The following AKT3 variants were observed in gnomAD, a reference collection of about 807,000 sequenced individuals.
AKT3 encodes the protein AKT serine/threonine kinase 3.
A neutral mutation model predicts 65.3 loss-of-function variants in AKT3; 15 were observed. That is an observed-to-expected ratio of 0.23 (90% CI 0.15 to 0.35). The LOEUF (loss-of-function observed/expected upper bound fraction) is 0.35. Among genes scored for constraint, AKT3 ranks in the 10% least tolerant of loss-of-function variants. AKT3 has a pLI of 1.00. For missense variants in AKT3, 243 were observed against 576.5 expected (o/e 0.42, Z 5.92); for synonymous variants, 206 against 183.8 (o/e 1.12, Z -0.98).
intron 2 of AKT3, among the ~76,000 whole-genome samples, chr1:243,730,310 C>CTGT (rs1346354738): frequency 6.6e-6 from 1 of 152,208 alleles, no homozygotes; most frequent in East Asian, 1.9e-4. Flanking sequence ...CTCTGCTGAG[C>CTGT]TGTTCTGCTA....
chr1:243,737,244 T>A (rs1687894814), intron 2 of AKT3, among the ~76,000 whole-genome samples: 1 of 152,178 alleles, frequency 6.6e-6, no homozygotes, highest in South Asian at 2.1e-4. Context: ...CTCATACTCA[T>A]CTGCAAAATG....
chr1:243,795,267 G>A (rs12097623), intron 2 of AKT3, among the ~76,000 whole-genome samples: 3,928 of 151,758 alleles, frequency 0.026, 160 homozygotes, highest in African/African-American at 0.09. Flanking sequence ...AGGGCTTAAC[G>A]ACTGGTAGAA....
At chr1:243,567,704 A>G (rs536608535) in intron 9 of AKT3, among the ~76,000 whole-genome samples, 1 of 151,636 alleles carries the variant, frequency 6.6e-6, no homozygotes, top group Non-Finnish European at 1.5e-5. Flanking sequence ...ACCATCCTAA[A>G]ACGTTGTTTT....
chr1:243,495,073 G>C (rs984152337), downstream of AKT3, among the ~76,000 whole-genome samples: 5 of 152,200 alleles, frequency 3.3e-5, no homozygotes, highest in Admixed American at 1.3e-4. Context: ...GTGTGTAGAG[G>C]AAGTTCTCAT....
intron 13 of AKT3, among the ~76,000 whole-genome samples, chr1:243,493,191 G>A (rs927188046): frequency 7.3e-6 from 1 of 137,436 alleles, no homozygotes. Flanking sequence ...TGAGAGGCAG[G>A]CCCTGGCTGG....
intron 12 of AKT3, among the ~76,000 whole-genome samples, chr1:243,525,383 C>A (rs1213490255): frequency 6.6e-6 from 1 of 151,714 alleles, no homozygotes; most frequent in African/African-American, 2.4e-5. Context: ...ACAAAGGAAA[C>A]AGAACCCATA....
intron 3 of AKT3, among the ~76,000 whole-genome samples, chr1:243,680,292 A>G (rs1683823639): frequency 6.6e-6 from 1 of 152,218 alleles, no homozygotes; most frequent in South Asian, 2.1e-4. Flanking sequence ...GAGGAAGCAG[A>G]GCACAAAACA....
Position 243,800,335 on chromosome 1 carries a change from A to G in AKT3, c.46+42790T>C, listed in dbSNP as rs191949354. Among the ~76,000 whole-genome samples, 51 of 152,362 alleles carry G rather than the reference A, an allele frequency of 3.3e-4. No homozygotes were observed. In the East Asian group the frequency reaches 9.4e-3, roughly 28 times the overall value. On this transcript the variant is annotated intron_variant, in intron 2 of 13. Transcript: ENST00000673466. ...CAGTTAATATATATCAAATGCTTAC[A>G]ATGCTGCCTGGCACATAATATGTTT...
At chr1:243,649,313 A>ATGTGTGTGTGTGTG (rs55765060) in intron 4 of AKT3, among the ~76,000 whole-genome samples, 1 of 145,930 alleles carries the variant, frequency 6.9e-6, no homozygotes, top group African/African-American at 2.6e-5. Flanking sequence ...TTATGTGTAT[A>ATGTGTGTGTGTGTG]TGTGTGTGTG....
chr1:243,598,319 G>C (rs1363281789), intron 8 of AKT3, among the ~76,000 whole-genome samples: 1 of 152,092 alleles, frequency 6.6e-6, no homozygotes, highest in East Asian at 1.9e-4. Flanking sequence ...AAAAAGGAAA[G>C]TGAATTATTT....
chr1:243,819,895 A>G (rs1693752167), intron 2 of AKT3, among the ~76,000 whole-genome samples: 1 of 152,148 alleles, frequency 6.6e-6, no homozygotes, highest in Admixed American at 6.5e-5. Context: ...AGCAAACTGC[A>G]GCAGCCCTAC....
At chr1:243,846,122 T>C (rs530134395) in intron 1 of AKT3, among the ~76,000 whole-genome samples, 189 of 152,232 alleles carry the variant, frequency 1.2e-3, no homozygotes, top group African/African-American at 4.4e-3. Context: ...TCCTCAAAAG[T>C]TTGATAATTG....
At chr1:243,781,110 T>A (rs1690882530) in intron 2 of AKT3, among the ~76,000 whole-genome samples, 1 of 152,100 alleles carries the variant, frequency 6.6e-6, no homozygotes. Flanking sequence ...CCTTCTAAAA[T>A]TTTTTTCTAT....
rs559842815 is a variant in AKT3 at position 243,566,711 on chromosome 1, TA to T, written c.820-2864del. Among the ~76,000 whole-genome samples the T allele has an allele frequency of 1.4e-4, 21 of 152,306 alleles. No homozygotes were observed. The East Asian group carries it at 3.7e-3, about 27-fold the overall frequency. Reference sequence around the variant, plus strand: ...TTCAATTTCATCTATAAAACAAAAGTAAATAACAGTAACAATCCAATGTGAC... The same window carrying T: ...TTCAATTTCATCTATAAAACAAAAGTAATAACAGTAACAATCCAATGTGAC... On this transcript the variant is annotated intron_variant, in intron 9 of 13. Transcript: ENST00000673466.
intron 2 of AKT3, among the ~76,000 whole-genome samples, chr1:243,759,942 G>A (rs10927067): frequency 0.32 from 48,850 of 152,030 alleles, 10,622 homozygotes; most frequent in African/African-American, 0.62. Context: ...ACAAATGGCT[G>A]ATCGTTAATG....
At chr1:243,760,175 G>A (rs1489866814) in intron 2 of AKT3, among the ~76,000 whole-genome samples, 2 of 152,014 alleles carry the variant, frequency 1.3e-5, no homozygotes, top group Admixed American at 6.6e-5. Context: ...ACAGGAGTAC[G>A]GTGGTGTGGC....
chr1:243,677,476 A>G (rs1683597337), intron 3 of AKT3, among the ~76,000 whole-genome samples: 1 of 152,126 alleles, frequency 6.6e-6, no homozygotes, highest in African/African-American at 2.4e-5. Flanking sequence ...ATAATTTCTC[A>G]CAACTTATTT....
Position 243,532,465 on chromosome 1 carries a change from A to G in AKT3, c.1251+13045T>C, listed in dbSNP as rs2148415968. Among the ~76,000 whole-genome samples, 3 of 152,294 alleles carry G rather than the reference A, an allele frequency of 2.0e-5. No homozygotes were observed. The Middle Eastern group carries it at 0.01, about 518-fold the overall frequency. The stretch of plus-strand genomic sequence containing the variant: ...ATTAATGTGGGACATTACACTGATT[A>G]ATTTCTATACGTTGAACATCCTTGC... On this transcript the variant is annotated intron_variant, in intron 12 of 13. Transcript: ENST00000673466.
At chr1:243,709,708 T>C (rs1686026463) in intron 2 of AKT3, among the ~76,000 whole-genome samples, 1 of 152,118 alleles carries the variant, frequency 6.6e-6, no homozygotes, top group East Asian at 1.9e-4. Context: ...GGAATGAAGG[T>C]CATTTTATAA....
Sources: allele counts gnomAD v4.1 joint callset (sites outside exome capture counted in the v4.1 genomes callset), GRCh38; gene constraint gnomAD v4.1.1; transcripts MANE v1.5; gene names NCBI Gene and HGNC (gene_info 2026-07-23, HGNC 2026-07-21).